TTYH1: variants seen among roughly 807,000 people sequenced by gnomAD.
The protein encoded by TTYH1 is tweety family member 1, also known as protein tweety homolog 1.
Under a neutral mutation model 61.2 loss-of-function variants are expected in TTYH1, and 33 were observed. That is an observed-to-expected ratio of 0.54 (90% confidence interval 0.41 to 0.72). The LOEUF (loss-of-function observed/expected upper bound fraction) is 0.72, where lower values mean the gene tolerates loss of function less well. TTYH1 is among the 30% of genes least tolerant of loss of function. The probability of loss-of-function intolerance (pLI) is 0.00; values close to 1 mark genes in which losing one functional copy is unlikely to be tolerated. For synonymous variants in TTYH1, 308 were observed against 266.4 expected (o/e 1.16, Z -1.52); for missense variants, 538 against 575.8 (o/e 0.93, Z 0.67).
At position 54,436,594 on chromosome 19, in the gene TTYH1, G is replaced by A. The variant is rs1599925816; in HGVS notation, c.*304G>A. 1.7e-6 allele frequency: 1 copy of A among 597,490 alleles called. No individual in the cohort carries two copies. The highest frequency in any genetic ancestry group is 3.0e-6 in the Non-Finnish European group (1 of 334,418). 37.0% of individuals were successfully genotyped at this position (597,490 alleles called of 1,614,324 possible). On this transcript the variant is annotated 3_prime_UTR_variant, in exon 14 of 14. Coordinates refer to ENST00000376530, the MANE Select transcript of TTYH1 (RefSeq NM_020659.4). The surrounding 1 kb of genome is among the most constrained non-coding windows in gnomAD (Gnocchi z 4.3). ...TCCTTGGAGGGACTAAGCTGGGGGT[G>A]GGGGACATGAGTCCCCCTGCTGCCC...
chr19:54,431,087 C>T lies in TTYH1; in HGVS notation c.1033-12C>T. The T allele has an allele frequency of 6.2e-7, 1 of 1,607,608 alleles. No homozygotes were observed. The highest frequency in any genetic ancestry group is 8.5e-7 in the Non-Finnish European group (1 of 1,174,204). ...AGAGTTCGTGGGAAAACGACCCCTC[C>T]TCGCCCCGCAGAAGCCTCTGCTGTC... is the stretch of plus-strand genomic sequence containing the variant. On this transcript the variant is annotated splice_polypyrimidine_tract_variant and intron_variant, in intron 9 of 13. Coordinates refer to ENST00000376530, the MANE Select transcript of TTYH1 (RefSeq NM_020659.4).
rs1487972626 is a variant in TTYH1 at position 54,436,223 on chromosome 19, C to T, written c.*42+52C>T. On this transcript the variant is annotated intron_variant, in intron 13 of 13. Transcript: ENST00000376530. This position sits in a 1 kb window ranked among gnomAD's most constrained non-coding sequence, Gnocchi z 4.3. ...CCTGCAGCCGGGCCTCTGCCCCCCT[C>T]CCGCCCTCCGAGCTGCTCCAGGCAT... The T allele has an allele frequency of 6.2e-7, 1 of 1,607,572 alleles. No homozygotes were observed. The highest frequency in any genetic ancestry group is 8.5e-7 in the Non-Finnish European group (1 of 1,174,916).
In TTYH1 at chr19:54,429,333, TC is replaced by T; in HGVS notation, c.762del (p.Val255SerfsTer2). On this transcript the variant is annotated frameshift_variant, in exon 6 of 14. Coordinates refer to ENST00000376530, the MANE Select transcript of TTYH1 (RefSeq NM_020659.4). LOFTEE classifies it high-confidence loss of function. The surrounding 1 kb of genome is among the most constrained non-coding windows in gnomAD (Gnocchi z 5.1). ...IVMTVMSLLV[L>X]VLSWGSMGLE... The stretch of plus-strand genomic sequence containing the variant: ...ATGACAGTCATGAGTCTCCTGGTTC[TC>T]GTCCTGAGCTGGGGCTCCATGGGCC... The T allele has an allele frequency of 6.2e-7, 1 of 1,614,150 alleles. No homozygotes were observed. Among genetic ancestry groups the T allele is most frequent in the Admixed American group, 1.7e-5 (1 of 60,018 alleles).
chr19:54,435,719 G>T (rs748830526), intron 11 of TTYH1, 35 bp downstream of exon 11: 1 of 1,609,788 alleles, frequency 6.2e-7, no homozygotes, highest in Non-Finnish European at 8.5e-7. Context: ...CCTGGGGAGG[G>T]AAGAGGAGGG....
chr19:54,420,251 C>T lies in TTYH1; in HGVS notation c.305+945C>T, dbSNP rs549260116. On this transcript the variant is annotated intron_variant, in intron 2 of 13. Coordinates refer to ENST00000376530, the MANE Select transcript of TTYH1 (RefSeq NM_020659.4). This position sits in a 1 kb window ranked among gnomAD's most constrained non-coding sequence, Gnocchi z 4.8. The stretch of plus-strand genomic sequence containing the variant: ...AGACGGGGGGTCCCAGAGGGCCAGA[C>T]GCCTGCCCCGGACCCACAGCGGGCA... Among the ~76,000 whole-genome samples, 274 of 152,284 alleles carry T rather than the reference C, an allele frequency of 1.8e-3. 4 individuals are homozygous for T. The highest frequency in any genetic ancestry group is 5.9e-3 in the African/African-American group (245 of 41,558).
chr19:54,424,119 C>T (rs965069513), intron 4 of TTYH1, among the ~76,000 whole-genome samples: 3 of 151,746 alleles, frequency 2.0e-5, no homozygotes, highest in Non-Finnish European at 4.4e-5. Context: ...AGAGATCGTG[C>T]CACTGCACTC....
Position 54,435,629 on chromosome 19 carries a change from G to A in TTYH1, c.1213G>A (p.Ala405Thr). The A allele has an allele frequency of 1.2e-6, 2 of 1,612,154 alleles. No homozygotes were observed. Residue 405 changes from alanine to threonine, a missense_variant, in exon 11 of 14, where the codon GCG becomes ACG. Ala to Thr is a moderately conservative substitution (Grantham distance 58). Around this residue, in one of 3 missense-constraint regions of TTYH1, gnomAD observed 378 missense variants for 401.2 expected, o/e 0.94. Coordinates refer to ENST00000376530, the MANE Select transcript of TTYH1 (RefSeq NM_020659.4). Reference sequence around the variant, plus strand: ...ACTCTTCTCCCTGCTGTCTGCAGGAGCGCTGGCCACTGCCCTCTGCAGCCT... The same window carrying A: ...ACTCTTCTCCCTGCTGTCTGCAGGAACGCTGGCCACTGCCCTCTGCAGCCT... The part of the protein sequence containing the change: ...LLLFSLLSAG[A>T]LATALCSLPR...
chr19:54,417,334 C>A lies in TTYH1; in HGVS notation c.126+1656C>A, dbSNP rs542314862. Among the ~76,000 whole-genome samples, 6 of 151,632 alleles carry A rather than the reference C, an allele frequency of 4.0e-5. No homozygotes were observed. The East Asian group carries it at 1.2e-3, about 29-fold the overall frequency. On this transcript the variant is annotated intron_variant, in intron 1 of 13. Transcript: ENST00000376530. Reference sequence around the variant, plus strand: ...TCACATGCACACACTCAGACACGCCCACTTACTTTCATTACACACATGCAC... The same window carrying A: ...TCACATGCACACACTCAGACACGCCAACTTACTTTCATTACACACATGCAC...
In TTYH1 at chr19:54,416,878, C is replaced by T. The variant is rs577181795; in HGVS notation, c.126+1200C>T. 3 of 1,290,058 alleles carry T rather than the reference C, an allele frequency of 2.3e-6. No individual in the cohort carries two copies. The highest frequency in any genetic ancestry group is 4.6e-5 in the Admixed American group (2 of 43,312). The allele number at this position is 1,290,058 out of a possible 1,614,324, so 79.9% of individuals were successfully genotyped here. A position where few individuals can be genotyped will look rare whatever the true frequency, so the allele number is the denominator to read the frequency against. On this transcript the variant is annotated intron_variant, in intron 1 of 13. Transcript: ENST00000376530. This position sits in a 1 kb window ranked among gnomAD's most constrained non-coding sequence, Gnocchi z 7.0. ...CTCACGCCCGCTCTGGCCCGGAGAC[C>T]TCCCGAAGCCGCACGCGGGGATCCG... is the stretch of plus-strand genomic sequence containing the variant.
At position 54,419,433 on chromosome 19, in the gene TTYH1, G is replaced by T. The variant is rs1472129626; in HGVS notation, c.305+127G>T. On this transcript the variant is annotated intron_variant, in intron 2 of 13. Coordinates refer to ENST00000376530, the MANE Select transcript of TTYH1 (RefSeq NM_020659.4). This position sits in a 1 kb window ranked among gnomAD's most constrained non-coding sequence, Gnocchi z 6.1. ...GGAAGGAGGAAACTCCCTCGTCCCT[G>T]TCCCTGCCATTTGCAAGCCCACTTC... 1 of 1,034,702 alleles carries T rather than the reference G, an allele frequency of 9.7e-7. No individual in the cohort carries two copies. Among genetic ancestry groups the T allele is most frequent in the African/African-American group, 1.6e-5 (1 of 63,636 alleles). 64.1% of individuals were successfully genotyped at this position (1,034,702 alleles called of 1,614,324 possible). A position where few individuals can be genotyped will look rare whatever the true frequency, so the allele number is the denominator to read the frequency against.
chr19:54,427,328 G>A (rs911712637), intron 5 of TTYH1, among the ~76,000 whole-genome samples: 1 of 132,142 alleles, frequency 7.6e-6, no homozygotes, highest in African/African-American at 2.9e-5. Context: ...AAAAAAGGCT[G>A]GGCGTGGTGG....
chr19:54,429,259 G>C lies in TTYH1; in HGVS notation c.735-48G>C. On this transcript the variant is annotated intron_variant, in intron 5 of 13. Transcript: ENST00000376530. This position sits in a 1 kb window ranked among gnomAD's most constrained non-coding sequence, Gnocchi z 5.1. Reference sequence around the variant, plus strand: ...GGATTTGGGGTGTGGAAAGAGGCTAGGCTAGGAGATTAAGAACCCCGGGCT... The same window carrying C: ...GGATTTGGGGTGTGGAAAGAGGCTACGCTAGGAGATTAAGAACCCCGGGCT... The C allele has an allele frequency of 1.3e-6, 2 of 1,570,810 alleles. No individual in the cohort carries two copies. Among genetic ancestry groups the C allele is most frequent in the Non-Finnish European group, 1.8e-6 (2 of 1,140,660 alleles).
At position 54,436,474 on chromosome 19, in the gene TTYH1, G is replaced by A. The variant is rs1230873628; in HGVS notation, c.*184G>A. 7.4e-7 allele frequency: 1 copy of A among 1,354,896 alleles called. No homozygotes were observed. The highest frequency in any genetic ancestry group is 1.0e-6 in the Non-Finnish European group (1 of 952,884). The allele number at this position is 1,354,896 out of a possible 1,614,324, so 83.9% of individuals were successfully genotyped here. On this transcript the variant is annotated 3_prime_UTR_variant, in exon 14 of 14. Coordinates refer to ENST00000376530, the MANE Select transcript of TTYH1 (RefSeq NM_020659.4). This position sits in a 1 kb window ranked among gnomAD's most constrained non-coding sequence, Gnocchi z 4.3. ...TGCTCCCATTTCTGTCCTTGGCCTT[G>A]GGAGTAGCTGAGGGGGCAGACTAGG... is the stretch of plus-strand genomic sequence containing the variant.
Position 54,415,852 on chromosome 19 carries a change from T to A in TTYH1, c.126+174T>A. The A allele has an allele frequency of 1.2e-6, 1 of 851,028 alleles. No homozygotes were observed. The highest frequency in any genetic ancestry group is 3.0e-5 in the East Asian group (1 of 33,200). 52.7% of individuals were successfully genotyped at this position (851,028 alleles called of 1,614,324 possible). A position where few individuals can be genotyped will look rare whatever the true frequency, so the allele number is the denominator to read the frequency against. ...CCTGGGGGCGCCCATGCCTGGAGGT[T>A]CTCCTGGGACGCGCGCTGGGGGTCC... On this transcript the variant is annotated intron_variant, in intron 1 of 13. Transcript: ENST00000376530. This position sits in a 1 kb window ranked among gnomAD's most constrained non-coding sequence, Gnocchi z 5.2.
At chr19:54,417,356 GCA>G (rs1361699866) in intron 1 of TTYH1, among the ~76,000 whole-genome samples, 5 of 148,890 alleles carry the variant, frequency 3.4e-5, no homozygotes, top group African/African-American at 7.5e-5. Flanking sequence ...TTACACACAT[GCA>G]CACACACATA....
rs1318652192 is a variant in TTYH1 at position 54,416,671 on chromosome 19, A to C, written c.126+993A>C. 9.4e-7 allele frequency: 1 copy of C among 1,067,338 alleles called. No homozygotes were observed. The allele number at this position is 1,067,338 out of a possible 1,614,324, so 66.1% of individuals were successfully genotyped here. Reference sequence around the variant, plus strand: ...GTCCCAGAAAAGCGCGGAGGGGATGAGTGCTGTGTTCTGAGCTATTTGGGT... The same window carrying C: ...GTCCCAGAAAAGCGCGGAGGGGATGCGTGCTGTGTTCTGAGCTATTTGGGT... On this transcript the variant is annotated intron_variant, in intron 1 of 13. Transcript: ENST00000376530. This position sits in a 1 kb window ranked among gnomAD's most constrained non-coding sequence, Gnocchi z 7.0.
At chr19:54,425,127 C>A (rs1463190663) in intron 4 of TTYH1, among the ~76,000 whole-genome samples, 1 of 152,208 alleles carries the variant, frequency 6.6e-6, no homozygotes, top group Non-Finnish European at 1.5e-5. Flanking sequence ...GTTAGCTGTG[C>A]AGGAACAATG....
In TTYH1 at chr19:54,419,882, G is replaced by A. The variant is rs1356381314; in HGVS notation, c.305+576G>A. ...CAGCTTATGTTCTAATCAGGGAGACGGACGATAAATAGATATAATCACCCT... is the reference window on the plus strand; with the variant it reads ...CAGCTTATGTTCTAATCAGGGAGACAGACGATAAATAGATATAATCACCCT... On this transcript the variant is annotated intron_variant, in intron 2 of 13. Transcript: ENST00000376530. The surrounding 1 kb of genome is among the most constrained non-coding windows in gnomAD (Gnocchi z 6.1). Among the ~76,000 whole-genome samples the A allele has an allele frequency of 6.6e-6, 1 of 152,080 alleles. No individual in the cohort carries two copies. Among genetic ancestry groups the A allele is most frequent in the Non-Finnish European group, 1.5e-5 (1 of 68,010 alleles).
rs138668993 is a variant in TTYH1 at position 54,425,466 on chromosome 19, C to T, written c.639-1207C>T. 5.2e-3 allele frequency among the ~76,000 whole-genome samples: 792 copies of T among 152,278 alleles called. 4 individuals are homozygous for T. Among genetic ancestry groups the T allele is most frequent in the African/African-American group, 0.018 (761 of 41,554 alleles). On this transcript the variant is annotated intron_variant, in intron 4 of 13. Transcript: ENST00000376530. Reference sequence around the variant, plus strand: ...GTGCTCTCAGGTGATAGATGATTGGCTATTTCTTTACTTCCTATTTTTGCC... The same window carrying T: ...GTGCTCTCAGGTGATAGATGATTGGTTATTTCTTTACTTCCTATTTTTGCC...
Sources: gnomAD v4.1 joint callset for allele counts (sites outside exome capture counted in the v4.1 genomes callset) on GRCh38, gnomAD v4.1.1 for gene constraint, gnomAD v4.1.1 regional missense constraint, Gnocchi (gnomAD v3.1) non-coding constraint, MANE v1.5 for transcripts, NCBI Gene and HGNC (gene_info 2026-07-23, HGNC 2026-07-21) for gene names.